SPOCK1: variants seen among roughly 807,000 people sequenced by gnomAD.
The protein encoded by SPOCK1 is testican-1.
In SPOCK1, 23 loss-of-function variants were observed where a neutral mutation model predicts 55.3. The ratio of observed to expected loss-of-function variants is 0.42; its 90% CI spans 0.30 to 0.59. The LOEUF is 0.59. Among genes scored for constraint, SPOCK1 ranks in the 20% least tolerant of loss-of-function variants. The pLI, the probability that SPOCK1 is intolerant of heterozygous loss-of-function variation, is 0.22. For missense variants in SPOCK1, 499 were observed against 552.5 expected, an observed-to-expected ratio of 0.90 and a Z score of 0.97; for synonymous variants, 226 against 221.0, an observed-to-expected ratio of 1.02 and a Z score of -0.20.
Position 136,978,338 on chromosome 5 carries a change from C to A in SPOCK1, c.*316G>T. ...TTTAAGAGGGTTGGGGCTCCCTGCA[C>A]TGTCAGAATTCCACGTAAATCACAT... is the stretch of plus-strand genomic sequence containing the variant. On this transcript the variant is annotated 3_prime_UTR_variant, in exon 11 of 11. Transcript: ENST00000394945. The A allele has an allele frequency of 2.9e-6, 1 of 347,916 alleles. No individual in the cohort carries two copies. The highest frequency in any genetic ancestry group is 9.5e-5 in the South Asian group (1 of 10,526). The allele number at this position is 347,916 out of a possible 1,614,324, so 21.6% of individuals were successfully genotyped here.
At chr5:137,323,869 T>C (rs551558147) in intron 2 of SPOCK1, among the ~76,000 whole-genome samples, 110 of 152,250 alleles carry the variant, frequency 7.2e-4, no homozygotes, top group African/African-American at 2.5e-3. Flanking sequence ...TCTCACATAT[T>C]ATCAGATAGT....
chr5:137,292,072 C>T (rs963401681), intron 2 of SPOCK1, among the ~76,000 whole-genome samples: 2 of 152,134 alleles, frequency 1.3e-5, no homozygotes, highest in African/African-American at 4.8e-5. Context: ...GAGGAGAAAG[C>T]GAGTGCAAGC....
At chr5:137,316,008 G>A (rs115661066) in intron 2 of SPOCK1, among the ~76,000 whole-genome samples, 126 of 152,242 alleles carry the variant, frequency 8.3e-4, no homozygotes, top group African/African-American at 2.9e-3. Flanking sequence ...TTGGCTGGTC[G>A]TTCACTTGTG....
At chr5:137,118,248 T>C (rs1753625290) in intron 4 of SPOCK1, among the ~76,000 whole-genome samples, 1 of 152,214 alleles carries the variant, frequency 6.6e-6, no homozygotes, top group Non-Finnish European at 1.5e-5. Flanking sequence ...TTCACATTCA[T>C]CTTATTTACA....
chr5:137,103,148 G>C (rs185622530), intron 5 of SPOCK1, among the ~76,000 whole-genome samples: 1 of 152,020 alleles, frequency 6.6e-6, no homozygotes, highest in African/African-American at 2.4e-5. Flanking sequence ...CTACCACCAC[G>C]CCCGGCTGAC....
At chr5:137,397,305 G>C (rs778446710) in intron 2 of SPOCK1, among the ~76,000 whole-genome samples, 2 of 152,176 alleles carry the variant, frequency 1.3e-5, no homozygotes, top group South Asian at 4.1e-4. Context: ...TTGAGGACTG[G>C]GTATGTGTGG....
chr5:137,143,213 T>G (rs961062285), intron 3 of SPOCK1, among the ~76,000 whole-genome samples: 1 of 151,770 alleles, frequency 6.6e-6, no homozygotes, highest in South Asian at 2.1e-4. Context: ...TTCACTTGAG[T>G]GGATGTCAGA....
intron 2 of SPOCK1, among the ~76,000 whole-genome samples, chr5:137,392,227 TC>T (rs1561523481): frequency 6.6e-6 from 1 of 152,128 alleles, no homozygotes; most frequent in Non-Finnish European, 1.5e-5. Context: ...TGTTTATATT[TC>T]CCAGATCCCC....
chr5:137,376,588 T>G (rs1473646896), intron 2 of SPOCK1, among the ~76,000 whole-genome samples: 1 of 152,208 alleles, frequency 6.6e-6, no homozygotes, highest in Non-Finnish European at 1.5e-5. Flanking sequence ...ATACAAAGGT[T>G]TCACTTTTTA....
At chr5:137,083,202 C>T (rs985524856) in intron 5 of SPOCK1, among the ~76,000 whole-genome samples, 9 of 152,138 alleles carry the variant, frequency 5.9e-5, no homozygotes, top group East Asian at 3.9e-4. Flanking sequence ...GATAATTAAG[C>T]TTATCAATTA....
At chr5:137,332,052 C>T (rs558445279) in intron 2 of SPOCK1, among the ~76,000 whole-genome samples, 2 of 152,330 alleles carry the variant, frequency 1.3e-5, no homozygotes, top group South Asian at 4.1e-4. Flanking sequence ...AGAAACTCCT[C>T]AGCAAGGCCT....
intron 2 of SPOCK1, among the ~76,000 whole-genome samples, chr5:137,394,632 A>G (rs1238559184): frequency 6.6e-6 from 1 of 152,142 alleles, no homozygotes; most frequent in Non-Finnish European, 1.5e-5. Context: ...CAACTCTCCC[A>G]TCTGAACCAG....
intron 2 of SPOCK1, among the ~76,000 whole-genome samples, chr5:137,304,170 T>A (rs928514134): frequency 6.6e-6 from 1 of 151,844 alleles, no homozygotes; most frequent in Non-Finnish European, 1.5e-5. Flanking sequence ...ATCCACCACC[T>A]CATCACCTGG....
At chr5:137,196,977 G>C (rs1209514850) in intron 3 of SPOCK1, among the ~76,000 whole-genome samples, 2 of 152,170 alleles carry the variant, frequency 1.3e-5, no homozygotes, top group African/African-American at 4.8e-5. Flanking sequence ...AAATAACCTA[G>C]TCACCCCGGA....
At chr5:137,267,649 T>C (rs1465662423) in intron 2 of SPOCK1, among the ~76,000 whole-genome samples, 1 of 152,246 alleles carries the variant, frequency 6.6e-6, no homozygotes, top group Non-Finnish European at 1.5e-5. Context: ...ACCATGTCTT[T>C]CCTGCATTTG....
chr5:137,297,648 C>A lies in SPOCK1; in HGVS notation c.187-30593G>T, dbSNP rs554065908. Among the ~76,000 whole-genome samples, 8 of 152,030 alleles carry A rather than the reference C, an allele frequency of 5.3e-5. No individual in the cohort carries two copies. In the South Asian group the frequency reaches 1.5e-3, roughly 28 times the overall value. On this transcript the variant is annotated intron_variant, in intron 2 of 10. Transcript: ENST00000394945. ...GGCCTGCAGTGAGCATTCAAATCCT[C>A]GAGGAACAGGGTGGGGAGGTGGGAC...
intron 4 of SPOCK1, among the ~76,000 whole-genome samples, chr5:137,121,732 A>G (rs976248168): frequency 2.0e-5 from 3 of 146,610 alleles, no homozygotes; most frequent in African/African-American, 7.4e-5. Flanking sequence ...GTATTCCTGG[A>G]CATCATATAA....
chr5:137,112,584 T>A lies in SPOCK1; in HGVS notation c.348-23A>T. On this transcript the variant is annotated intron_variant, in intron 4 of 10. Coordinates refer to ENST00000394945, the MANE Select transcript of SPOCK1 (RefSeq NM_004598.4). ...TGCCTAAAGATGAGAAAAAAGGGGATAAATTAGTTGAAGCTCCAGACCCTA... is the reference window on the plus strand; with the variant it reads ...TGCCTAAAGATGAGAAAAAAGGGGAAAAATTAGTTGAAGCTCCAGACCCTA... 1.9e-6 allele frequency: 3 copies of A among 1,609,772 alleles called. No homozygotes were observed. The South Asian group carries it at 3.3e-5, about 18-fold the overall frequency.
At chr5:137,093,636 G>C (rs1753086737) in intron 5 of SPOCK1, among the ~76,000 whole-genome samples, 1 of 152,190 alleles carries the variant, frequency 6.6e-6, no homozygotes, top group Admixed American at 6.5e-5. Flanking sequence ...TGGTCAGAGA[G>C]GGTCTCTCTG....
Sources: allele counts gnomAD v4.1 joint callset (sites outside exome capture counted in the v4.1 genomes callset), GRCh38; gene constraint gnomAD v4.1.1; transcripts MANE v1.5; gene names NCBI Gene and HGNC (gene_info 2026-07-23, HGNC 2026-07-21).